The following CDCP1 variants were observed in gnomAD, a reference collection of about 807,000 sequenced individuals.
The protein encoded by CDCP1 is CUB domain containing protein 1, also known as CUB domain-containing protein 1.
Under a neutral mutation model 60.2 loss-of-function variants are expected in CDCP1, and 29 were observed. The observed-to-expected ratio is 0.48, with a 90% CI of 0.36 to 0.66. The LOEUF is 0.66. Ranked by LOEUF, CDCP1 falls within the 30% of genes least tolerant of loss-of-function variation. CDCP1 has a pLI of 0.00. For missense variants in CDCP1, 876 were observed against 1,074.3 expected (o/e 0.82, Z 2.58); for synonymous variants, 387 against 431.1 (o/e 0.90, Z 1.27).
chr3:45,086,846 G>C (rs932027097), intron 8 of CDCP1, among the ~76,000 whole-genome samples: 1 of 152,256 alleles, frequency 6.6e-6, no homozygotes, highest in African/African-American at 2.4e-5. Context: ...AAACAGCAGG[G>C]AATGCTGACT....
At chr3:45,086,619 AG>A (rs1466607687) in intron 8 of CDCP1, among the ~76,000 whole-genome samples, 3 of 152,240 alleles carry the variant, frequency 2.0e-5, no homozygotes, top group Non-Finnish European at 2.9e-5. Flanking sequence ...AGCTGGGGAG[AG>A]GATAACTCAG....
At chr3:45,092,794 C>T (rs574369615) in intron 6 of CDCP1, among the ~76,000 whole-genome samples, 1 of 152,246 alleles carries the variant, frequency 6.6e-6, no homozygotes, top group East Asian at 1.9e-4. Flanking sequence ...CCAGGAGGGT[C>T]GGGTCTGCCC....
rs748799168 is a variant in CDCP1 at position 45,095,415 on chromosome 3, G to C, written c.1178C>G (p.Ser393Cys). ...ACAAAGGAAGGAGATTTTGTGTTTG[G>C]AGCCAGATGTCAGGGTGAGGTTGCT... ...CSSNLTLTSG[S>C]KHKISFLCDD... is the part of the protein sequence containing the mutation. Residue 393 changes from serine to cysteine, a missense_variant, in exon 5 of 9, where the codon TCC (serine) becomes TGC (cysteine). By Grantham distance (112) the Ser-to-Cys change is moderately radical. Transcript: ENST00000296129. 1 of 1,614,172 alleles carries C rather than the reference G, an allele frequency of 6.2e-7. No homozygotes were observed. The highest frequency in any genetic ancestry group is 1.1e-5 in the South Asian group (1 of 91,084).
rs542589675 is a variant in CDCP1, at chr3:45,082,896, G to T, written c.*2742C>A. On this transcript the variant is annotated 3_prime_UTR_variant, in exon 9 of 9. Transcript: ENST00000296129. ...CTGGGCTTTAAAGAAAAGAGCCAGGGTTCCTCAGGCTGGGCCCCTTCACTG... is the reference window on the plus strand; with the variant it reads ...CTGGGCTTTAAAGAAAAGAGCCAGGTTTCCTCAGGCTGGGCCCCTTCACTG... 1 of 152,244 alleles carries T rather than the reference G, an allele frequency of 6.6e-6. No homozygotes were observed. The highest frequency in any genetic ancestry group is 6.5e-5 in the Admixed American group (1 of 15,284). 9.4% of individuals were successfully genotyped at this position (152,244 alleles called of 1,614,324 possible). A position where few individuals can be genotyped will look rare whatever the true frequency, so the allele number is the denominator to read the frequency against.
intron 1 of CDCP1, among the ~76,000 whole-genome samples, chr3:45,125,385 T>C (rs1033289915): frequency 1.3e-5 from 2 of 152,064 alleles, no homozygotes; most frequent in Non-Finnish European, 2.9e-5. Context: ...CTGTCTAGGG[T>C]CAATTCCCGG....
chr3:45,113,628 C>T (rs1447582784), intron 2 of CDCP1, among the ~76,000 whole-genome samples: 2 of 152,208 alleles, frequency 1.3e-5, no homozygotes, highest in Non-Finnish European at 2.9e-5. Context: ...AGCCAGACCT[C>T]TAATTTTTGC....
At position 45,085,804 on chromosome 3, in the gene CDCP1, C is replaced by G. The variant is rs1303558006; in HGVS notation, c.2345G>C (p.Arg782Thr). 6.2e-7 allele frequency: 1 copy of G among 1,614,092 alleles called. No individual in the cohort carries two copies. Among genetic ancestry groups the G allele is most frequent in the Non-Finnish European group, 8.5e-7 (1 of 1,180,020 alleles). ...AGTGGCCAACTTTGCAGTTGGGGCC[C>G]TGGAGCATATGGTGGGTGGGGAGGG... Reference protein sequence around the residue: ...CPPSPPTICSRAPTAKLATEE... With the variant: ...CPPSPPTICSTAPTAKLATEE... Residue 782 changes from arginine to threonine, a missense_variant, in exon 9 of 9, where the codon AGG (arginine) becomes ACG (threonine). By Grantham distance (71) the Arg-to-Thr change is moderately conservative (BLOSUM62 -1). Around this residue, in one of 2 missense-constraint regions of CDCP1, gnomAD observed 726 missense variants for 935.7 expected, o/e 0.78. Transcript: ENST00000296129. This position sits in a 1 kb window ranked among gnomAD's most constrained non-coding sequence, Gnocchi z 4.2.
At position 45,085,026 on chromosome 3, in the gene CDCP1, C is replaced by G. The variant is rs1227348866; in HGVS notation, c.*612G>C. The G allele has an allele frequency of 6.6e-6, 1 of 152,622 alleles. No homozygotes were observed. Among genetic ancestry groups the G allele is most frequent in the Non-Finnish European group, 1.5e-5 (1 of 68,210 alleles). 9.5% of individuals were successfully genotyped at this position (152,622 alleles called of 1,614,324 possible). A position where few individuals can be genotyped will look rare whatever the true frequency, so the allele number is the denominator to read the frequency against. ...ACACACACATTCTTTTCTGGTTGGA[C>G]AGATTGTAAATTATTCCCACCACCT... On this transcript the variant is annotated 3_prime_UTR_variant, in exon 9 of 9. Coordinates refer to ENST00000296129, the MANE Select transcript of CDCP1 (RefSeq NM_022842.5). This position sits in a 1 kb window ranked among gnomAD's most constrained non-coding sequence, Gnocchi z 4.2.
intron 4 of CDCP1, among the ~76,000 whole-genome samples, chr3:45,109,291 T>C (rs1181630278): frequency 6.6e-6 from 1 of 151,984 alleles, no homozygotes; most frequent in African/African-American, 2.4e-5. Context: ...TACATACATA[T>C]GGACGTTTCC....
At chr3:45,096,024 G>A (rs891955093) in intron 4 of CDCP1, among the ~76,000 whole-genome samples, 4 of 152,190 alleles carry the variant, frequency 2.6e-5, no homozygotes, top group African/African-American at 9.7e-5. Context: ...AAAACAAAGT[G>A]TTACTGTATC....
At chr3:45,109,244 C>T (rs890733717) in intron 4 of CDCP1, among the ~76,000 whole-genome samples, 3 of 152,006 alleles carry the variant, frequency 2.0e-5, no homozygotes, top group Middle Eastern at 3.4e-3. Context: ...CCACCGTGCC[C>T]GGCCCCTTGT....
intron 1 of CDCP1, among the ~76,000 whole-genome samples, chr3:45,127,376 G>T (rs952956872): frequency 6.6e-5 from 10 of 152,186 alleles, no homozygotes; most frequent in Admixed American, 3.3e-4. Context: ...TGCCCGGGGG[G>T]TGTGGGCATG....
At chr3:45,114,819 G>T (rs1016744126) in intron 2 of CDCP1, among the ~76,000 whole-genome samples, 2 of 152,104 alleles carry the variant, frequency 1.3e-5, no homozygotes, top group Non-Finnish European at 2.9e-5. Context: ...GGCAATGAAG[G>T]GCAGGTGGAC....
intron 1 of CDCP1, among the ~76,000 whole-genome samples, chr3:45,135,186 T>C (rs1262391215): frequency 1.8e-5 from 1 of 57,032 alleles, no homozygotes; most frequent in Non-Finnish European, 3.5e-5. Context: ...GCCAGTGATC[T>C]TAAGATGAAT....
At chr3:45,113,876 T>C (rs1029058827) in intron 2 of CDCP1, among the ~76,000 whole-genome samples, 1 of 152,224 alleles carries the variant, frequency 6.6e-6, no homozygotes, top group African/African-American at 2.4e-5. Context: ...TCAATGTTTA[T>C]ATCAAGCCAC....
chr3:45,101,478 C>T (rs73089324), intron 4 of CDCP1, among the ~76,000 whole-genome samples: 1 of 152,126 alleles, frequency 6.6e-6, no homozygotes, highest in South Asian at 2.1e-4. Context: ...GGCCCTGGGA[C>T]TGGCTTCATG....
At chr3:45,108,007 A>G (rs1698598931) in intron 4 of CDCP1, among the ~76,000 whole-genome samples, 1 of 151,902 alleles carries the variant, frequency 6.6e-6, no homozygotes, top group African/African-American at 2.4e-5. Context: ...AATCCCAGCT[A>G]CTCAAGAAGC....
rs555781059 is a variant in CDCP1 at position 45,108,681 on chromosome 3, CTA to C, written c.1024+1790_1024+1791del. ...CTCAATGGATACACACACACACACA[CTA>C]TATATATATGTGCATGTATACATAT... On this transcript the variant is annotated intron_variant, in intron 4 of 8. Transcript: ENST00000296129. 2.6e-3 allele frequency among the ~76,000 whole-genome samples: 361 copies of C among 138,702 alleles called. 2 individuals carry two copies. Among genetic ancestry groups the C allele is most frequent in the African/African-American group, 9.0e-3 (340 of 37,586 alleles). The allele number at this position is 138,702 out of a possible 152,430, so 91.0% of individuals were successfully genotyped here. A position where few individuals can be genotyped will look rare whatever the true frequency, so the allele number is the denominator to read the frequency against.
chr3:45,090,078 A>G (rs909834178), intron 7 of CDCP1, among the ~76,000 whole-genome samples: 2 of 152,242 alleles, frequency 1.3e-5, no homozygotes, highest in Admixed American at 6.5e-5. Flanking sequence ...CTAAGAGAGG[A>G]AGAAAACCCA....
Sources: allele counts gnomAD v4.1 joint callset (sites outside exome capture counted in the v4.1 genomes callset), GRCh38; gene constraint gnomAD v4.1.1; regional missense constraint gnomAD v4.1.1; non-coding constraint Gnocchi (gnomAD v3.1); transcripts MANE v1.5; gene names NCBI Gene and HGNC (gene_info 2026-07-23, HGNC 2026-07-21).